BBX: variants seen among roughly 807,000 people sequenced by gnomAD.
BBX encodes the protein HMG box transcription factor BBX.
BBX carries 30 observed loss-of-function variants against 100.2 expected under a neutral mutation model. The ratio of observed to expected loss-of-function variants is 0.30; its 90% CI spans 0.22 to 0.41. The LOEUF (loss-of-function observed/expected upper bound fraction) is 0.41, where lower values mean the gene tolerates loss of function less well. Ranked by LOEUF, BBX falls within the 10% of genes least tolerant of loss-of-function variation. The pLI is 1.00. For missense variants in BBX, 1,023 were observed against 1,129.8 expected (o/e 0.91, Z 1.35); for synonymous variants, 376 against 388.1 (o/e 0.97, Z 0.37).
intron 4 of BBX, among the ~76,000 whole-genome samples, chr3:107,713,169 G>C (rs1176924393): frequency 6.6e-6 from 1 of 152,126 alleles, no homozygotes; most frequent in Non-Finnish European, 1.5e-5. Flanking sequence ...TCTGCCTTCA[G>C]ATCCAATTAG....
chr3:107,625,884 A>G (rs1175467342), intron 2 of BBX, among the ~76,000 whole-genome samples: 1 of 152,106 alleles, frequency 6.6e-6, no homozygotes, highest in Non-Finnish European at 1.5e-5. Context: ...TACATGTAAG[A>G]TTATTTAAAT....
intron 3 of BBX, among the ~76,000 whole-genome samples, chr3:107,675,445 A>G (rs924508734): frequency 1.3e-5 from 2 of 152,154 alleles, no homozygotes; most frequent in African/African-American, 2.4e-5. Flanking sequence ...TCTCACTTCA[A>G]TAACTGATGA....
rs979211926 is a variant in BBX, at chr3:107,806,217, G to T, written c.*760G>T. ...AAGAAGAATTTGCTTGAGGCAAATT[G>T]TGGCAAATATTTTCCCAGACAGGGG... On this transcript the variant is annotated 3_prime_UTR_variant, in exon 18 of 18. Transcript: ENST00000325805. 6.6e-6 allele frequency: 1 copy of T among 152,084 alleles called. No homozygotes were observed. Among genetic ancestry groups the T allele is most frequent in the Admixed American group, 6.5e-5 (1 of 15,270 alleles). 9.4% of individuals were successfully genotyped at this position (152,084 alleles called of 1,614,324 possible).
chr3:107,545,200 C>G (rs539001232), intron 2 of BBX, among the ~76,000 whole-genome samples: 1 of 152,234 alleles, frequency 6.6e-6, no homozygotes, highest in African/African-American at 2.4e-5. Flanking sequence ...AGAAAATTTT[C>G]TGACCTTTAT....
intron 3 of BBX, among the ~76,000 whole-genome samples, chr3:107,669,817 T>A (rs1474327548): frequency 6.6e-6 from 1 of 152,176 alleles, no homozygotes; most frequent in Non-Finnish European, 1.5e-5. Flanking sequence ...TAGTCTACTT[T>A]TACAGATTAA....
At chr3:107,693,963 G>A (rs1176959169) in intron 3 of BBX, among the ~76,000 whole-genome samples, 1 of 150,934 alleles carries the variant, frequency 6.6e-6, no homozygotes, top group Non-Finnish European at 1.5e-5. Flanking sequence ...TGAAGCAGTT[G>A]TGAATGGGAG....
intron 3 of BBX, among the ~76,000 whole-genome samples, chr3:107,696,084 G>A (rs1347794361): frequency 1.3e-5 from 2 of 151,700 alleles, no homozygotes; most frequent in African/African-American, 2.4e-5. Flanking sequence ...TTGAGCCTAT[G>A]TGTGTCTCTG....
intron 2 of BBX, among the ~76,000 whole-genome samples, chr3:107,635,027 A>T (rs1199217677): frequency 6.6e-6 from 1 of 152,232 alleles, no homozygotes; most frequent in Non-Finnish European, 1.5e-5. Flanking sequence ...TGGGTCAAGT[A>T]AGTTGATATG....
chr3:107,733,538 G>A (rs545771277), intron 7 of BBX, among the ~76,000 whole-genome samples: 2 of 152,196 alleles, frequency 1.3e-5, no homozygotes, highest in Admixed American at 1.3e-4. Context: ...TGTTGCCCAG[G>A]CTGGAGTGCA....
At chr3:107,629,623 CG>C (rs899138078) in intron 2 of BBX, among the ~76,000 whole-genome samples, 10 of 151,992 alleles carry the variant, frequency 6.6e-5, no homozygotes, top group Admixed American at 6.6e-4. Flanking sequence ...CAGTGCCAAA[CG>C]TGTTCCATCT....
At chr3:107,582,722 T>C (rs1025006044) in intron 2 of BBX, among the ~76,000 whole-genome samples, 2 of 152,124 alleles carry the variant, frequency 1.3e-5, no homozygotes, top group Admixed American at 6.5e-5. Context: ...TTAGTATGCT[T>C]ATGAGTTTAA....
chr3:107,725,659 A>T (rs1007306651), intron 5 of BBX, among the ~76,000 whole-genome samples: 12 of 152,206 alleles, frequency 7.9e-5, no homozygotes, highest in African/African-American at 2.6e-4. Context: ...AATGCTAAAT[A>T]ACAGTAAAAT....
intron 2 of BBX, among the ~76,000 whole-genome samples, chr3:107,544,534 T>C (rs1353216570): frequency 6.6e-6 from 1 of 152,160 alleles, no homozygotes; most frequent in Non-Finnish European, 1.5e-5. Context: ...TTATTGAATG[T>C]AAAATGCTAG....
chr3:107,764,526 A>C (rs1198697390), intron 10 of BBX, among the ~76,000 whole-genome samples: 1 of 152,220 alleles, frequency 6.6e-6, no homozygotes, highest in Non-Finnish European at 1.5e-5. Flanking sequence ...ACCTGAGGGA[A>C]TAGACGATAG....
chr3:107,547,806 T>G (rs2049349935), intron 2 of BBX, among the ~76,000 whole-genome samples: 1 of 152,076 alleles, frequency 6.6e-6, no homozygotes, highest in African/African-American at 2.4e-5. Flanking sequence ...TTGATCTTAT[T>G]CTTCATTTCT....
rs1038715753 is a variant in BBX at position 107,809,793 on chromosome 3, T to C, written c.*4336T>C. On this transcript the variant is annotated 3_prime_UTR_variant, in exon 18 of 18. Coordinates refer to ENST00000325805, the MANE Select transcript of BBX (RefSeq NM_001142568.3). The stretch of plus-strand genomic sequence containing the variant: ...AAATAGCTCCTTATTTTGCACCTTA[T>C]AAAAAGTATACTAATTGTTAATTAG... The C allele has an allele frequency of 2.6e-5, 4 of 152,228 alleles. No individual in the cohort carries two copies. The highest frequency in any genetic ancestry group is 4.4e-5 in the Non-Finnish European group (3 of 68,024). The allele number at this position is 152,228 out of a possible 1,614,324, so 9.4% of individuals were successfully genotyped here.
chr3:107,756,715 T>A (rs112522075), intron 10 of BBX, among the ~76,000 whole-genome samples: 7 of 152,326 alleles, frequency 4.6e-5, no homozygotes, highest in African/African-American at 1.7e-4. Flanking sequence ...ACCCCATTGT[T>A]GTCTGACACT....
At chr3:107,584,166 TTATTATA>T (rs2052618288) in intron 2 of BBX, among the ~76,000 whole-genome samples, 1 of 31,628 alleles carries the variant, frequency 3.2e-5, no homozygotes, top group Admixed American at 5.3e-4. Context: ...GATATATATA[TTATTATA>T]TATATTATAT....
intron 3 of BBX, among the ~76,000 whole-genome samples, chr3:107,707,990 T>C (rs2061486124): frequency 6.6e-6 from 1 of 152,202 alleles, no homozygotes; most frequent in African/African-American, 2.4e-5. Flanking sequence ...CTGATTTCTT[T>C]TACTGTTTAA....
Sources: gnomAD v4.1 joint callset for allele counts (sites outside exome capture counted in the v4.1 genomes callset) on GRCh38, gnomAD v4.1.1 for gene constraint, MANE v1.5 for transcripts, NCBI Gene and HGNC (gene_info 2026-07-23, HGNC 2026-07-21) for gene names.